The following SLC18A1 variants were observed in gnomAD, a reference collection of about 807,000 sequenced individuals.
The protein encoded by SLC18A1 is solute carrier family 18 member A1, also known as chromaffin granule amine transporter.
SLC18A1 carries 69 observed loss-of-function variants against 53.7 expected under a neutral mutation model. The ratio of observed to expected loss-of-function variants is 1.28; its 90% confidence interval spans 1.06 to 1.57. The LOEUF (loss-of-function observed/expected upper bound fraction) is 1.57. Among genes scored for constraint, SLC18A1 ranks in the 40% most tolerant of loss-of-function variants. SLC18A1 has a pLI of 0.00. For synonymous variants in SLC18A1, 320 were observed against 248.1 expected, an observed-to-expected ratio of 1.29 and a Z score of -2.72; for missense variants, 932 against 668.1, an observed-to-expected ratio of 1.40 and a Z score of -4.35.
At position 20,157,921 on chromosome 8, in the gene SLC18A1, C is replaced by T. The variant is rs540305531; in HGVS notation, c.1015+6948G>A. ...TGCCTAATAGGGCTTGCTTCTAGTGCAGTCTACAAGGACGCTTTAAAAAAG... is the reference window on the plus strand; with the variant it reads ...TGCCTAATAGGGCTTGCTTCTAGTGTAGTCTACAAGGACGCTTTAAAAAAG... On this transcript the variant is annotated intron_variant, in intron 10 of 15. Transcript: ENST00000276373. Among the ~76,000 whole-genome samples, 15 of 152,296 alleles carry T rather than the reference C, an allele frequency of 9.8e-5. 1 individual carries two copies. In the South Asian group the frequency reaches 2.9e-3, roughly 29 times the overall value.
rs1283616335 is a variant in SLC18A1 at position 20,179,266 on chromosome 8, T to C, written c.343A>G (p.Thr115Ala). The C allele has an allele frequency of 1.2e-6, 2 of 1,614,014 alleles. No individual in the cohort carries two copies. The highest frequency in any genetic ancestry group is 1.7e-6 in the Non-Finnish European group (2 of 1,180,024). ...DTASTIPPPA[T>A]EAISAHKNNC... ...TTTTTATGAGCTGAGATGGCTTCAGTGGCTGGAGGTGGGATGGTGCTGGCA... is the reference window on the plus strand; with the variant it reads ...TTTTTATGAGCTGAGATGGCTTCAGCGGCTGGAGGTGGGATGGTGCTGGCA... Residue 115 changes from threonine (T) to alanine (A), a missense_variant, in exon 3 of 16, where the codon ACT becomes GCT. By Grantham distance (58) the Thr-to-Ala change is moderately conservative. Coordinates refer to ENST00000276373, the MANE Select transcript of SLC18A1 (RefSeq NM_003053.4).
chr8:20,150,809 TACAAG>T, intron 10 of SLC18A1, 65 bp from the exon 11 acceptor site: 1 of 1,385,200 alleles, frequency 7.2e-7, no homozygotes, highest in East Asian at 2.3e-5. Flanking sequence ...CCTTGTCTCG[TACAAG>T]ACACTGAAGT....
At chr8:20,151,280 C>A (rs73210886) in intron 10 of SLC18A1, among the ~76,000 whole-genome samples, 2 of 152,058 alleles carry the variant, frequency 1.3e-5, no homozygotes, top group South Asian at 2.1e-4. Context: ...AGCCCCCACA[C>A]CTGGCCTAGC....
chr8:20,155,017 C>T (rs1435825338), intron 10 of SLC18A1, among the ~76,000 whole-genome samples: 1 of 152,156 alleles, frequency 6.6e-6, no homozygotes, highest in East Asian at 1.9e-4. Context: ...TCCAGCTGAA[C>T]ACTAGTCACT....
chr8:20,158,793 G>A (rs1052919421), intron 10 of SLC18A1, among the ~76,000 whole-genome samples: 1 of 152,104 alleles, frequency 6.6e-6, no homozygotes, highest in Admixed American at 6.5e-5. Flanking sequence ...AATACCAGAG[G>A]AAGCAGAGTG....
rs1430447810 is a variant in SLC18A1, at chr8:20,145,289, A to G, written c.*474T>C. On this transcript the variant is annotated 3_prime_UTR_variant, in exon 16 of 16. Coordinates refer to ENST00000276373, the MANE Select transcript of SLC18A1 (RefSeq NM_003053.4). Reference sequence around the variant, plus strand: ...TTGGCAGCAAGACAATGCTGAGAACATTTTCTCAACTCGGCTGGGAAAACC... The same window carrying G: ...TTGGCAGCAAGACAATGCTGAGAACGTTTTCTCAACTCGGCTGGGAAAACC... 1 of 152,206 alleles carries G rather than the reference A, an allele frequency of 6.6e-6. No homozygotes were observed. Among genetic ancestry groups the G allele is most frequent in the East Asian group, 1.9e-4 (1 of 5,172 alleles). 9.4% of individuals were successfully genotyped at this position (152,206 alleles called of 1,614,324 possible).
chr8:20,173,066 C>T lies in SLC18A1; in HGVS notation c.694G>A (p.Ala232Thr). Residue 232 changes from alanine (A) to threonine (T), a missense_variant, in exon 6 of 16, where the codon GCT becomes ACT. Physicochemically the swap from Ala to Thr is moderately conservative, Grantham distance 58. Coordinates refer to ENST00000276373, the MANE Select transcript of SLC18A1 (RefSeq NM_003053.4). ...DHERGRAMGTALGGLALGLLV... is the reference protein window; with the variant it reads ...DHERGRAMGTTLGGLALGLLV... ...AACCCCAAGGCCAGGCCCCCCAGAG[C>T]AGTTCCCATGGCTCGTCCTCTCTCA... 6.3e-7 allele frequency: 1 copy of T among 1,592,630 alleles called. No homozygotes were observed. The highest frequency in any genetic ancestry group is 1.8e-5 in the Admixed American group (1 of 57,124).
In SLC18A1 at chr8:20,178,450, A is replaced by G; in HGVS notation, c.532T>C (p.Phe178Leu). 1 of 1,611,628 alleles carries G rather than the reference A, an allele frequency of 6.2e-7. No homozygotes were observed. The highest frequency in any genetic ancestry group is 2.2e-5 in the East Asian group (1 of 44,838). Residue 178 changes from phenylalanine to leucine, a missense_variant, in exon 4 of 16, where the codon TTT (phenylalanine) becomes CTT (leucine). Coordinates refer to ENST00000276373, the MANE Select transcript of SLC18A1 (RefSeq NM_003053.4). ...IPMFAGFVIM[F>L]LSTVMFAFSG... ...AATTACTTACTAACTGTGGAGAGAA[A>G]CATGATAACAAAGCCAGCAAACATG...
chr8:20,163,937 G>A (rs968548662), intron 10 of SLC18A1, among the ~76,000 whole-genome samples: 1 of 152,170 alleles, frequency 6.6e-6, no homozygotes, highest in Non-Finnish European at 1.5e-5. Context: ...AGTGGTCAGA[G>A]CCTTAGGGCA....
chr8:20,156,494 G>A (rs1045096702), intron 10 of SLC18A1, among the ~76,000 whole-genome samples: 3 of 152,152 alleles, frequency 2.0e-5, no homozygotes, highest in East Asian at 1.9e-4. Context: ...GGAAAAAACC[G>A]TAATGGGTAT....
chr8:20,179,096 C>A (rs780170876), intron 3 of SLC18A1, 25 bp downstream of exon 3: 2 of 1,594,570 alleles, frequency 1.3e-6, no homozygotes, highest in South Asian at 1.1e-5. Context: ...GTGTACCCTG[C>A]GGGGCACTGC....
At chr8:20,180,531 G>C (rs187002523) in intron 2 of SLC18A1, among the ~76,000 whole-genome samples, 1 of 152,154 alleles carries the variant, frequency 6.6e-6, no homozygotes, top group Non-Finnish European at 1.5e-5. Context: ...GGAGTCATTA[G>C]CACCTTGAGA....
chr8:20,152,571 G>C (rs1438144430), intron 10 of SLC18A1, among the ~76,000 whole-genome samples: 2 of 152,172 alleles, frequency 1.3e-5, no homozygotes, highest in African/African-American at 4.8e-5. Flanking sequence ...CGATTGGGTA[G>C]CTGGAGATAG....
intron 10 of SLC18A1, among the ~76,000 whole-genome samples, chr8:20,163,848 C>T (rs2071888599): frequency 6.6e-6 from 1 of 152,170 alleles, no homozygotes; most frequent in Non-Finnish European, 1.5e-5. Context: ...TAATTGGTAA[C>T]TGGCAACTGA....
chr8:20,169,519 C>T (rs918934963), intron 8 of SLC18A1, among the ~76,000 whole-genome samples: 5 of 152,080 alleles, frequency 3.3e-5, no homozygotes, highest in Non-Finnish European at 2.9e-5. Flanking sequence ...GGGAACGATA[C>T]AATCAATCTA....
At chr8:20,165,232 G>A in intron 8 of SLC18A1, 125 bp from the exon 9 acceptor site, 1 of 816,102 alleles carries the variant, frequency 1.2e-6, no homozygotes, top group Non-Finnish European at 2.0e-6. Flanking sequence ...TTACTGCAGA[G>A]ACCAGGAACC....
chr8:20,147,209 T>A, intron 15 of SLC18A1, 49 bp downstream of exon 15: 1 of 1,556,402 alleles, frequency 6.4e-7, no homozygotes, highest in East Asian at 2.2e-5. Flanking sequence ...AGAGAGATGA[T>A]GGAAAGAAAC....
At chr8:20,161,696 G>A (rs2071833905) in intron 10 of SLC18A1, among the ~76,000 whole-genome samples, 1 of 152,212 alleles carries the variant, frequency 6.6e-6, no homozygotes, top group African/African-American at 2.4e-5. Context: ...AGGGGTAACA[G>A]GTCCCACGAA....
chr8:20,177,505 G>C (rs2072280366), intron 4 of SLC18A1, among the ~76,000 whole-genome samples: 1 of 152,170 alleles, frequency 6.6e-6, no homozygotes, highest in South Asian at 2.1e-4. Flanking sequence ...CGGGGGAGAG[G>C]GGAGGGATAG....
Sources: allele counts gnomAD v4.1 joint callset (sites outside exome capture counted in the v4.1 genomes callset), GRCh38; gene constraint gnomAD v4.1.1; transcripts MANE v1.5; gene names NCBI Gene and HGNC (gene_info 2026-07-23, HGNC 2026-07-21).